The following LRP12 variants were observed in gnomAD, a reference collection of about 807,000 sequenced individuals.
The protein encoded by LRP12 is low-density lipoprotein receptor-related protein 12.
Under a neutral mutation model 66.0 loss-of-function variants are expected in LRP12, and 14 were observed. The observed-to-expected ratio is 0.21, with a 90% CI of 0.14 to 0.33. The LOEUF (loss-of-function observed/expected upper bound fraction) is 0.33, where lower values mean the gene tolerates loss of function less well. Ranked by LOEUF, LRP12 falls within the 10% of genes least tolerant of loss-of-function variation. The pLI is 1.00. For missense variants in LRP12, 889 were observed against 1,053.4 expected (o/e 0.84, Z 2.16); for synonymous variants, 357 against 359.1 (o/e 0.99, Z 0.07).
chr8:104,547,600 A>AT (rs1564141418), intron 1 of LRP12, among the ~76,000 whole-genome samples: 1 of 118,776 alleles, frequency 8.4e-6, no homozygotes, highest in Non-Finnish European at 1.6e-5. Flanking sequence ...AATATATAAT[A>AT]ATTATTAATA....
In LRP12 at chr8:104,497,361, C is replaced by G. The variant is rs1256274591; in HGVS notation, c.1191G>C (p.Gly397=). The G allele has an allele frequency of 2.5e-6, 4 of 1,613,790 alleles. No individual in the cohort carries two copies. The African/African-American group carries it at 5.3e-5, about 22-fold the overall frequency. The part of the protein sequence containing the change: ...GCYTEQQRCD[G]YWHCPNGRDE... ...CCCTTCCATTTGGGCAATGCCAATA[C>G]CCATCACAACGCTGCTGCTCAGTAT... Residue 397 remains glycine (G), a synonymous_variant, in exon 5 of 7, where the codon GGG becomes GGC. Transcript: ENST00000276654. This position sits in a 1 kb window ranked among gnomAD's most constrained non-coding sequence, Gnocchi z 4.3.
rs139439489 is a variant in LRP12, at chr8:104,497,959, T to C, written c.593A>G (p.Glu198Gly). The C allele has an allele frequency of 6.2e-7, 1 of 1,614,056 alleles. No homozygotes were observed. The highest frequency in any genetic ancestry group is 1.3e-5 in the African/African-American group (1 of 74,926). The change falls in exon 5 of 7, where the codon GAG becomes GGG. Residue 198 changes from glutamate (E) to glycine (G), a missense_variant. Transcript: ENST00000276654. The surrounding 1 kb of genome is among the most constrained non-coding windows in gnomAD (Gnocchi z 4.3). ...AGGATTTGCTTCTTTGGCACAGATC[T>C]CTTCATCGGAACTATCTCCACATTC... ...MDECGDSSDE[E>G]ICAKEANPPT...
chr8:104,504,615 T>C (rs1253322860), intron 3 of LRP12: 1 of 152,218 alleles, frequency 6.6e-6, no homozygotes, highest in Admixed American at 6.5e-5. Context: ...TTTATTTTAA[T>C]TGCATTGTGG....
At chr8:104,556,235 C>T (rs7838122) in intron 1 of LRP12, among the ~76,000 whole-genome samples, 4,660 of 152,038 alleles carry the variant, frequency 0.031, 238 homozygotes, top group African/African-American at 0.11. Context: ...AACTTAAGGT[C>T]ACATCTCAAG....
intron 2 of LRP12, among the ~76,000 whole-genome samples, chr8:104,531,349 T>C (rs1344145974): frequency 6.6e-6 from 1 of 152,108 alleles, no homozygotes; most frequent in Non-Finnish European, 1.5e-5. Flanking sequence ...CTTTAAGTAA[T>C]TATAAAGTTA....
intron 4 of LRP12, 52 bp downstream of exon 4, chr8:104,499,265 G>A: frequency 1.3e-5 from 18 of 1,372,164 alleles, no homozygotes; most frequent in Non-Finnish European, 1.8e-5. Context: ...AAGTGACAGA[G>A]CAGTTAATAC....
At position 104,495,126 on chromosome 8, in the gene LRP12, T is replaced by C; in HGVS notation, c.1664A>G (p.Gln555Arg). ...APPSYGQLIA[Q>R]GLIPPVEDFP... ...ATCTTCAACTGGTGGAATTAAACCC[T>C]GAGCAATCAATTGTCCATACGAGGG... Residue 555 changes from glutamine (Q) to arginine (R), a missense_variant, in exon 6 of 7, where the codon CAG becomes CGG. Gln to Arg is a conservative substitution (Grantham distance 43, BLOSUM62 1). Coordinates refer to ENST00000276654, the MANE Select transcript of LRP12 (RefSeq NM_013437.5). 1 of 1,613,944 alleles carries C rather than the reference T, an allele frequency of 6.2e-7. No individual in the cohort carries two copies. The highest frequency in any genetic ancestry group is 8.5e-7 in the Non-Finnish European group (1 of 1,179,870).
chr8:104,512,716 T>G (rs553926838), intron 2 of LRP12, among the ~76,000 whole-genome samples: 2 of 152,252 alleles, frequency 1.3e-5, no homozygotes, highest in South Asian at 4.1e-4. Flanking sequence ...TTCAAGTACA[T>G]GAGAAACCCA....
chr8:104,583,756 T>C (rs1458273571), intron 1 of LRP12, among the ~76,000 whole-genome samples: 1 of 152,198 alleles, frequency 6.6e-6, no homozygotes, highest in Non-Finnish European at 1.5e-5. Flanking sequence ...TGTGTTTCAA[T>C]GTTCTCTTCC....
intron 1 of LRP12, among the ~76,000 whole-genome samples, chr8:104,580,091 A>AACTG (rs1160797204): frequency 9.8e-5 from 15 of 152,332 alleles, no homozygotes; most frequent in African/African-American, 3.4e-4. Flanking sequence ...AATCTAATTA[A>AACTG]ACTGACGAGC....
intron 1 of LRP12, among the ~76,000 whole-genome samples, chr8:104,585,304 T>C (rs569262544): frequency 3.3e-5 from 5 of 152,200 alleles, no homozygotes; most frequent in African/African-American, 1.2e-4. Context: ...TGGCTCACTG[T>C]AACCTCCACC....
chr8:104,490,942 C>T lies in LRP12; in HGVS notation c.2311G>A (p.Asp771Asn). The change falls in exon 7 of 7, where the codon GAT (aspartate) becomes AAT (asparagine). Residue 771 changes from aspartate (D) to asparagine (N), a missense_variant. This residue lies in a region of LRP12 where 800 missense variants were observed against 964.5 expected (regional missense o/e 0.83). Coordinates refer to ENST00000276654, the MANE Select transcript of LRP12 (RefSeq NM_013437.5). ...DNGVSGREDD[D>N]DVEMLIPISD... The stretch of plus-strand genomic sequence containing the variant: ...ATTGGAATTAGCATTTCAACATCAT[C>T]ATCATCTTCTCTTCCACTTACCCCA... The T allele has an allele frequency of 6.2e-7, 1 of 1,614,028 alleles. No homozygotes were observed. The highest frequency in any genetic ancestry group is 1.1e-5 in the South Asian group (1 of 91,084).
intron 1 of LRP12, among the ~76,000 whole-genome samples, chr8:104,582,662 C>T (rs887905769): frequency 1.2e-4 from 18 of 152,108 alleles, no homozygotes; most frequent in Admixed American, 1.1e-3. Context: ...CTCCACAGAA[C>T]CCTTCTTAAG....
chr8:104,530,649 T>C (rs1252910925), intron 2 of LRP12, among the ~76,000 whole-genome samples: 1 of 152,198 alleles, frequency 6.6e-6, no homozygotes, highest in Non-Finnish European at 1.5e-5. Context: ...CTCAGTAGTT[T>C]TTAAAAGTTT....
intron 1 of LRP12, among the ~76,000 whole-genome samples, chr8:104,536,796 T>C (rs2140867065): frequency 6.6e-6 from 1 of 152,072 alleles, no homozygotes; most frequent in East Asian, 1.9e-4. Context: ...TTATATCTAC[T>C]TGGAAAACCC....
At chr8:104,531,709 T>C (rs1043156280) in intron 2 of LRP12, among the ~76,000 whole-genome samples, 198 bp downstream of exon 2, 2 of 152,138 alleles carry the variant, frequency 1.3e-5, no homozygotes, top group Non-Finnish European at 2.9e-5. Flanking sequence ...AAAAGTATAA[T>C]CAATCCATGG....
In LRP12 at chr8:104,507,061, A is replaced by G. The variant is rs1044603185; in HGVS notation, c.272+1878T>C. Reference sequence around the variant, plus strand: ...CTTGTTTACATGGTAAGTTAATTTAATATTTCCTAATACTGACTCATTTGT... The same window carrying G: ...CTTGTTTACATGGTAAGTTAATTTAGTATTTCCTAATACTGACTCATTTGT... On this transcript the variant is annotated intron_variant, in intron 3 of 6. Coordinates refer to ENST00000276654, the MANE Select transcript of LRP12 (RefSeq NM_013437.5). 5 of 152,274 alleles carry G rather than the reference A, an allele frequency of 3.3e-5. No homozygotes were observed. The East Asian group carries it at 7.7e-4, about 23-fold the overall frequency. 9.4% of individuals were successfully genotyped at this position (152,274 alleles called of 1,614,324 possible).
chr8:104,523,269 A>C (rs960239980), intron 2 of LRP12, among the ~76,000 whole-genome samples: 2 of 152,200 alleles, frequency 1.3e-5, no homozygotes, highest in African/African-American at 4.8e-5. Flanking sequence ...AAAATTAGGT[A>C]TATCATGAAT....
At chr8:104,533,660 C>T (rs566960513) in intron 1 of LRP12, among the ~76,000 whole-genome samples, 1 of 151,596 alleles carries the variant, frequency 6.6e-6, no homozygotes, top group Non-Finnish European at 1.5e-5. Context: ...CATATTATGC[C>T]CAGGAGAGTT....
Sources: allele counts gnomAD v4.1 joint callset (sites outside exome capture counted in the v4.1 genomes callset), GRCh38; gene constraint gnomAD v4.1.1; regional missense constraint gnomAD v4.1.1; non-coding constraint Gnocchi (gnomAD v3.1); transcripts MANE v1.5; gene names NCBI Gene and HGNC (gene_info 2026-07-23, HGNC 2026-07-21).